SLIT3: variants seen among roughly 807,000 people sequenced by gnomAD.
SLIT3 encodes slit guidance ligand 3, also known as slit homolog 3 protein.
A neutral mutation model predicts 184.0 loss-of-function variants in SLIT3; 68 were observed. The ratio of observed to expected loss-of-function variants is 0.37; its 90% CI spans 0.30 to 0.45. The LOEUF (loss-of-function observed/expected upper bound fraction) is 0.45. Ranked by LOEUF, SLIT3 falls within the 20% of genes least tolerant of loss-of-function variation. The pLI, the probability that SLIT3 is intolerant of heterozygous loss-of-function variation, is 1.00. For synonymous variants in SLIT3, 831 were observed against 828.6 expected (o/e 1.00, Z -0.05); for missense variants, 1,707 against 2,026.0 (o/e 0.84, Z 3.02).
intron 4 of SLIT3, among the ~76,000 whole-genome samples, chr5:169,115,244 C>A (rs1441054388): frequency 6.6e-6 from 1 of 152,136 alleles, no homozygotes; most frequent in African/African-American, 2.4e-5. Context: ...AAAGTCAGAG[C>A]CAGAAGGAAG....
chr5:168,947,058 C>T (rs1269184890), intron 4 of SLIT3, among the ~76,000 whole-genome samples: 3 of 151,964 alleles, frequency 2.0e-5, no homozygotes, highest in Non-Finnish European at 4.4e-5. Flanking sequence ...TGTGGTGTCC[C>T]CTTTGTTTTG....
chr5:169,028,514 G>A (rs1181119391), intron 4 of SLIT3, among the ~76,000 whole-genome samples: 1 of 152,228 alleles, frequency 6.6e-6, no homozygotes, highest in African/African-American at 2.4e-5. Context: ...TATAACACAT[G>A]TAAAGTGCCT....
intron 1 of SLIT3, among the ~76,000 whole-genome samples, chr5:169,258,754 C>A (rs752463856): frequency 7.2e-5 from 11 of 152,212 alleles, no homozygotes; most frequent in Admixed American, 1.3e-4. Flanking sequence ...AGGCCACTGG[C>A]CTTATCTTGG....
intron 4 of SLIT3, among the ~76,000 whole-genome samples, chr5:169,068,383 G>A (rs776614160): frequency 6.6e-6 from 1 of 152,128 alleles, no homozygotes; most frequent in Admixed American, 6.5e-5. Context: ...TTTTTCACCC[G>A]TTAGCCAGGT....
At chr5:168,945,844 C>T (rs1442448990) in intron 4 of SLIT3, among the ~76,000 whole-genome samples, 1 of 152,184 alleles carries the variant, frequency 6.6e-6, no homozygotes, top group East Asian at 1.9e-4. Context: ...GCAGTGGTTC[C>T]ACTAGGCCTG....
chr5:168,724,369 C>T (rs545425970), intron 21 of SLIT3, 47 bp downstream of exon 21: 3 of 1,528,832 alleles, frequency 2.0e-6, no homozygotes, highest in Admixed American at 1.7e-5. Context: ...TCCTGAGCGA[C>T]CCCAGCAGGG....
At chr5:168,989,321 CTA>C (rs1056062863) in intron 4 of SLIT3, among the ~76,000 whole-genome samples, 2 of 152,090 alleles carry the variant, frequency 1.3e-5, no homozygotes, top group African/African-American at 4.8e-5. Context: ...AGGAAAGCAC[CTA>C]TGAGAGGAAG....
chr5:168,698,298 C>A (rs1762118357), intron 27 of SLIT3, among the ~76,000 whole-genome samples: 1 of 152,280 alleles, frequency 6.6e-6, no homozygotes, highest in South Asian at 2.1e-4. Context: ...AGGATCTTTG[C>A]AGATGTAATT....
chr5:169,196,524 A>T (rs2079806947), intron 3 of SLIT3, among the ~76,000 whole-genome samples: 1 of 152,180 alleles, frequency 6.6e-6, no homozygotes, highest in African/African-American at 2.4e-5. Flanking sequence ...ACGCCATGCC[A>T]CGTGCTACAC....
intron 23 of SLIT3, among the ~76,000 whole-genome samples, chr5:168,715,710 T>C (rs1762702806): frequency 6.6e-6 from 1 of 152,234 alleles, no homozygotes; most frequent in African/African-American, 2.4e-5. Context: ...TCTCACTTTG[T>C]TGCCCAGGCT....
chr5:168,694,575 GTCTT>G (rs1761996998), intron 28 of SLIT3, among the ~76,000 whole-genome samples: 1 of 152,154 alleles, frequency 6.6e-6, no homozygotes, highest in South Asian at 2.1e-4. Flanking sequence ...CAGTCAGTCA[GTCTT>G]TCTCTCTCTC....
intron 4 of SLIT3, among the ~76,000 whole-genome samples, chr5:169,039,920 AC>A (rs1218437091): frequency 6.6e-6 from 1 of 152,250 alleles, no homozygotes; most frequent in African/African-American, 2.4e-5. Flanking sequence ...ATCCCTTTTA[AC>A]AAAAGCCAAT....
intron 6 of SLIT3, among the ~76,000 whole-genome samples, chr5:168,838,215 T>C (rs528293426): frequency 6.6e-5 from 10 of 152,320 alleles, no homozygotes; most frequent in African/African-American, 2.4e-4. Context: ...GAACTGGATC[T>C]GAGTTCGGAA....
chr5:169,046,934 T>C (rs1757644746), intron 4 of SLIT3, among the ~76,000 whole-genome samples: 1 of 152,140 alleles, frequency 6.6e-6, no homozygotes. Context: ...ACCATTTGCT[T>C]TCTATATTCT....
intron 12 of SLIT3, 121 bp from the exon 13 acceptor site, chr5:168,774,499 C>G: frequency 9.4e-7 from 1 of 1,060,004 alleles, no homozygotes; most frequent in South Asian, 1.6e-5. Flanking sequence ...GCCTTGAGCT[C>G]CTGCTGCAGA....
At position 168,683,882 on chromosome 5, in the gene SLIT3, T is replaced by TG; in HGVS notation, c.3686+83dup. The TG allele has an allele frequency of 2.3e-6, 3 of 1,306,074 alleles. No homozygotes were observed. In the South Asian group the frequency reaches 6.6e-5, roughly 29 times the overall value. 80.9% of individuals were successfully genotyped at this position (1,306,074 alleles called of 1,614,324 possible). On this transcript the variant is annotated intron_variant, in intron 32 of 35. Coordinates refer to ENST00000519560, the MANE Select transcript of SLIT3 (RefSeq NM_003062.4). ...GGGAGAAGGGACACCCGAGTTCTCC[T>TG]GAATCCCCCTTCTGAGTTGCAGGCC...
At chr5:169,184,719 G>A (rs1170555659) in intron 4 of SLIT3, among the ~76,000 whole-genome samples, 1 of 152,136 alleles carries the variant, frequency 6.6e-6, no homozygotes, top group African/African-American at 2.4e-5. Context: ...GTTTCTATAT[G>A]CTAAGTTTGA....
At position 168,753,066 on chromosome 5, in the gene SLIT3, C is replaced by T. The variant is rs1043248571; in HGVS notation, c.1862G>A (p.Ser621Asn). The T allele has an allele frequency of 1.7e-5, 27 of 1,614,026 alleles. No homozygotes were observed. Among genetic ancestry groups the T allele is most frequent in the Non-Finnish European group, 2.3e-5 (27 of 1,180,014 alleles). The change falls in exon 18 of 36, where the codon AGT becomes AAT. Residue 621 changes from serine (S) to asparagine (N), a missense_variant. By Grantham distance (46) the Ser-to-Asn change is conservative. This residue lies in a region of SLIT3 where 1,307 missense variants were observed against 1,511.6 expected (regional missense o/e 0.86). Coordinates refer to ENST00000519560, the MANE Select transcript of SLIT3 (RefSeq NM_003062.4). ...ACTCAGGCCGGCAAAGGTGTCATTA[C>T]TCACACAGCCGATCAAGTTACTCCT... Reference protein sequence around the residue: ...MLRSNLIGCVSNDTFAGLSSV... With the variant: ...MLRSNLIGCVNNDTFAGLSSV...
intron 3 of SLIT3, among the ~76,000 whole-genome samples, chr5:169,225,723 G>A (rs1465459922): frequency 5.3e-5 from 8 of 152,328 alleles, no homozygotes; most frequent in African/African-American, 1.9e-4. Flanking sequence ...GGGGGTGGGC[G>A]GCAGGGGGTG....
Sources: gnomAD v4.1 joint callset for allele counts (sites outside exome capture counted in the v4.1 genomes callset) on GRCh38, gnomAD v4.1.1 for gene constraint, gnomAD v4.1.1 regional missense constraint, MANE v1.5 for transcripts, NCBI Gene and HGNC (gene_info 2026-07-23, HGNC 2026-07-21) for gene names.